The following GALNT13 variants were observed in gnomAD, a reference collection of about 807,000 sequenced individuals.
GALNT13 encodes polypeptide N-acetylgalactosaminyltransferase 13, also known as UDP-GalNAc:polypeptide N-acetylgalactosaminyltransferase 13.
Under a neutral mutation model 64.2 loss-of-function variants are expected in GALNT13, and 28 were observed. The observed-to-expected ratio is 0.44, with a 90% CI of 0.32 to 0.60. The LOEUF (loss-of-function observed/expected upper bound fraction) is 0.60. Ranked by LOEUF, GALNT13 falls within the 20% of genes least tolerant of loss-of-function variation. The pLI is 0.05. For missense variants in GALNT13, 577 were observed against 669.8 expected (o/e 0.86, Z 1.53); for synonymous variants, 214 against 224.6 (o/e 0.95, Z 0.42).
chr2:154,337,615 C>T (rs1574110891), intron 9 of GALNT13, among the ~76,000 whole-genome samples: 1 of 152,014 alleles, frequency 6.6e-6, no homozygotes, highest in Non-Finnish European at 1.5e-5. Context: ...TTTAAATGTA[C>T]ATTTTGTTAT....
chr2:154,183,729 GA>G (rs1559010934), intron 4 of GALNT13, among the ~76,000 whole-genome samples: 1 of 150,588 alleles, frequency 6.6e-6, no homozygotes, highest in African/African-American at 2.4e-5. Flanking sequence ...CAAACAAATT[GA>G]AAAAAACTTG....
At chr2:153,536,666 C>T in the GALNT13 span, among the ~76,000 whole-genome samples, 1 of 152,072 alleles carries the variant, frequency 6.6e-6, no homozygotes, top group African/African-American at 2.4e-5. Flanking sequence ...AACTAATATT[C>T]ATTAGCATAT....
intron 8 of GALNT13, chr2:154,286,627 C>T: frequency 4.0e-6 from 1 of 252,872 alleles, no homozygotes. Context: ...ACAAGTTTGG[C>T]CTGGCCTTAT....
At chr2:153,540,334 T>C in the GALNT13 span, among the ~76,000 whole-genome samples, 3 of 152,252 alleles carry the variant, frequency 2.0e-5, no homozygotes, top group Non-Finnish European at 2.9e-5. Context: ...TTTGGAAACC[T>C]CTGCCTAGAA....
the GALNT13 span, among the ~76,000 whole-genome samples, chr2:153,733,868 C>T: frequency 1.3e-5 from 2 of 152,086 alleles, no homozygotes; most frequent in Non-Finnish European, 2.9e-5. Context: ...TCCAGCAGAC[C>T]GTCCTTTTAA....
the GALNT13 span, among the ~76,000 whole-genome samples, chr2:153,141,028 T>C: frequency 6.7e-6 from 1 of 148,572 alleles, no homozygotes; most frequent in Non-Finnish European, 1.5e-5. Context: ...ATTCTACCAC[T>C]CTGTCCATCC....
At chr2:153,680,723 C>T in the GALNT13 span, among the ~76,000 whole-genome samples, 7 of 151,826 alleles carry the variant, frequency 4.6e-5, no homozygotes, top group African/African-American at 1.4e-4. Context: ...CCTCTCTGTC[C>T]ATATGGCCCA....
chr2:154,272,179 T>C (rs960979894), intron 8 of GALNT13, among the ~76,000 whole-genome samples: 3 of 152,064 alleles, frequency 2.0e-5, no homozygotes, highest in African/African-American at 7.2e-5. Context: ...AGAAAGTTTT[T>C]CTGTCTTCTT....
chr2:153,240,331 G>A, the GALNT13 span, among the ~76,000 whole-genome samples: 9 of 151,992 alleles, frequency 5.9e-5, no homozygotes, highest in African/African-American at 1.9e-4. Flanking sequence ...TGTGTGAATT[G>A]CTCTTTCTGT....
the GALNT13 span, among the ~76,000 whole-genome samples, chr2:153,136,067 G>C: frequency 6.6e-6 from 1 of 152,046 alleles, no homozygotes; most frequent in South Asian, 2.1e-4. Flanking sequence ...ATTGAAAGCT[G>C]AATTTACAAA....
the GALNT13 span, among the ~76,000 whole-genome samples, chr2:153,480,653 G>T: frequency 6.6e-6 from 1 of 152,036 alleles, no homozygotes; most frequent in Non-Finnish European, 1.5e-5. Flanking sequence ...ATAATAAAAC[G>T]TAATGTATAC....
At chr2:153,130,291 C>T in the GALNT13 span, among the ~76,000 whole-genome samples, 1 of 152,092 alleles carries the variant, frequency 6.6e-6, no homozygotes, top group Non-Finnish European at 1.5e-5. Flanking sequence ...TCCTCAAAAC[C>T]CCTGTTTGAG....
At chr2:154,146,144 A>G (rs979093295) in intron 4 of GALNT13, among the ~76,000 whole-genome samples, 12 of 151,380 alleles carry the variant, frequency 7.9e-5, no homozygotes, top group Non-Finnish European at 1.0e-4. Flanking sequence ...GTGTATATAT[A>G]TATATATACA....
chr2:153,129,043 T>G, the GALNT13 span, among the ~76,000 whole-genome samples: 1 of 152,100 alleles, frequency 6.6e-6, no homozygotes, highest in African/African-American at 2.4e-5. Context: ...TCCATAGGAA[T>G]TTTTTAGATA....
chr2:153,929,783 A>G (rs1311380542), intron 2 of GALNT13, among the ~76,000 whole-genome samples: 1 of 152,090 alleles, frequency 6.6e-6, no homozygotes, highest in African/African-American at 2.4e-5. Context: ...TGTCATTGCT[A>G]TTGTGAGTAG....
chr2:153,168,303 A>G, the GALNT13 span, among the ~76,000 whole-genome samples: 1 of 152,222 alleles, frequency 6.6e-6, no homozygotes, highest in Non-Finnish European at 1.5e-5. Context: ...ACAATGCTTA[A>G]CGTTGACTAA....
the GALNT13 span, among the ~76,000 whole-genome samples, chr2:153,292,168 G>A: frequency 2.0e-5 from 3 of 152,122 alleles, no homozygotes; most frequent in Middle Eastern, 3.4e-3. Context: ...AGCACATCAC[G>A]GTGGGCCAAA....
At chr2:153,284,362 G>A in the GALNT13 span, among the ~76,000 whole-genome samples, 1 of 152,172 alleles carries the variant, frequency 6.6e-6, no homozygotes, top group Non-Finnish European at 1.5e-5. Context: ...TTCTGGCTGT[G>A]GTTCCCCCTG....
At chr2:154,381,597 G>A (rs1027797213) in intron 9 of GALNT13, among the ~76,000 whole-genome samples, 3 of 152,040 alleles carry the variant, frequency 2.0e-5, no homozygotes, top group South Asian at 2.1e-4. Context: ...ACAACAAAAC[G>A]TGAGGGAAGG....
Sources: allele counts gnomAD v4.1 joint callset (sites outside exome capture counted in the v4.1 genomes callset), GRCh38; gene constraint gnomAD v4.1.1; transcripts MANE v1.5; gene names NCBI Gene and HGNC (gene_info 2026-07-23, HGNC 2026-07-21).